Variants in ZCCHC17 observed in about 807,000 individuals in gnomAD.
The protein encoded by ZCCHC17 is zinc finger CCHC-type containing 17.
ZCCHC17 carries 18 observed loss-of-function variants against 30.6 expected under a neutral mutation model. The ratio of observed to expected loss-of-function variants is 0.59; its 90% CI spans 0.41 to 0.87. The LOEUF (loss-of-function observed/expected upper bound fraction) is 0.87. Among genes scored for constraint, ZCCHC17 ranks in the 40% least tolerant of loss-of-function variants. The pLI is 0.00. For missense variants in ZCCHC17, 263 were observed against 284.2 expected (o/e 0.93, Z 0.54); for synonymous variants, 88 against 92.4 (o/e 0.95, Z 0.27).
At chr1:31,340,742 T>TTAAC (rs1639020797) in intron 5 of ZCCHC17, among the ~76,000 whole-genome samples, 1 of 152,248 alleles carries the variant, frequency 6.6e-6, no homozygotes, top group Admixed American at 6.5e-5. Context: ...GTTTGTCTTA[T>TTAAC]GTTAATTAGG....
chr1:31,351,198 G>A (rs1360506289), intron 7 of ZCCHC17, among the ~76,000 whole-genome samples: 1 of 152,108 alleles, frequency 6.6e-6, no homozygotes, highest in Non-Finnish European at 1.5e-5. Context: ...AGAAACCAAT[G>A]TCATTTATTT....
chr1:31,318,979 C>A lies in ZCCHC17; in HGVS notation c.67-130C>A. ...CCAGAAAGAATGTTTGACAGAGCAT[C>A]ATTTTTAGGCAGTTTTATAGCATAC... On this transcript the variant is annotated intron_variant, in intron 2 of 7. Transcript: ENST00000344147. The A allele has an allele frequency of 6.7e-6, 7 of 1,049,028 alleles. No individual in the cohort carries two copies. In the East Asian group the frequency reaches 1.7e-4, roughly 26 times the overall value. 65.0% of individuals were successfully genotyped at this position (1,049,028 alleles called of 1,614,324 possible). A position where few individuals can be genotyped will look rare whatever the true frequency, so the allele number is the denominator to read the frequency against.
chr1:31,334,337 CTGTG>C (rs59851204), intron 3 of ZCCHC17, among the ~76,000 whole-genome samples: 6,390 of 84,810 alleles, frequency 0.075, 322 homozygotes, highest in Non-Finnish European at 0.081. Context: ...CTCTCTCTCT[CTGTG>C]TGTGTGTGTG....
intron 1 of ZCCHC17, among the ~76,000 whole-genome samples, chr1:31,307,154 GTAGAGA>G (rs1206962231): frequency 1.4e-5 from 2 of 147,724 alleles, no homozygotes; most frequent in African/African-American, 5.0e-5. Context: ...TTTTTTTTAA[GTAGAGA>G]TAGAGTCTCA....
At chr1:31,297,596 T>C (rs1646197241) in intron 1 of ZCCHC17, among the ~76,000 whole-genome samples, 1 of 152,196 alleles carries the variant, frequency 6.6e-6, no homozygotes, top group Non-Finnish European at 1.5e-5. Context: ...GTTGGGGGTA[T>C]GTTGTGAACC....
intron 1 of ZCCHC17, among the ~76,000 whole-genome samples, chr1:31,301,458 G>T (rs549931039): frequency 6.6e-6 from 1 of 152,324 alleles, no homozygotes; most frequent in Admixed American, 6.5e-5. Context: ...GTCAAGAAGA[G>T]AATTATTGAA....
chr1:31,332,889 T>C (rs375414426), intron 3 of ZCCHC17, among the ~76,000 whole-genome samples: 2 of 152,190 alleles, frequency 1.3e-5, no homozygotes, highest in Non-Finnish European at 2.9e-5. Flanking sequence ...CCGAAGGTGC[T>C]GGGATCACAA....
At chr1:31,354,762 T>G (rs780304077) in intron 7 of ZCCHC17, among the ~76,000 whole-genome samples, 1 of 152,248 alleles carries the variant, frequency 6.6e-6, no homozygotes, top group Non-Finnish European at 1.5e-5. Flanking sequence ...CTGCTAGGTA[T>G]GAGGCTCTTT....
At chr1:31,311,951 C>T (rs1646615231) in intron 2 of ZCCHC17, among the ~76,000 whole-genome samples, 1 of 152,152 alleles carries the variant, frequency 6.6e-6, no homozygotes. Context: ...GCTGCCTGGC[C>T]CCTCCATTCC....
At chr1:31,312,892 C>T (rs1444728954) in intron 2 of ZCCHC17, among the ~76,000 whole-genome samples, 1 of 151,958 alleles carries the variant, frequency 6.6e-6, no homozygotes, top group Non-Finnish European at 1.5e-5. Flanking sequence ...CCTGCCTCAG[C>T]CTCCTAAGTA....
intron 5 of ZCCHC17, among the ~76,000 whole-genome samples, chr1:31,340,475 G>A (rs1326350679): frequency 3.3e-5 from 5 of 152,018 alleles, no homozygotes; most frequent in African/African-American, 9.7e-5. Flanking sequence ...GTGCCACCAT[G>A]CCCGGCTAAT....
intron 5 of ZCCHC17, among the ~76,000 whole-genome samples, chr1:31,344,104 CTCGGCCTCCCAAAGTGCTAGGATTA>C (rs1639154481): frequency 6.6e-6 from 1 of 151,916 alleles, no homozygotes; most frequent in Non-Finnish European, 1.5e-5. Context: ...ATCTTCCTGT[CTCGGCCTCCCAAAGTGCTAGGATTA>C]CAGATGTGAG....
At chr1:31,324,740 G>C (rs1378514242) in intron 3 of ZCCHC17, among the ~76,000 whole-genome samples, 1 of 152,210 alleles carries the variant, frequency 6.6e-6, no homozygotes, top group Non-Finnish European at 1.5e-5. Context: ...AGGCCAAAGG[G>C]GTGCTGAGGG....
At chr1:31,355,939 A>G (rs1411151004) in intron 7 of ZCCHC17, among the ~76,000 whole-genome samples, 2 of 152,154 alleles carry the variant, frequency 1.3e-5, no homozygotes, top group South Asian at 2.1e-4. Flanking sequence ...TGAGTGGCAG[A>G]TTTGGACACT....
At chr1:31,302,905 T>A (rs1646353979) in intron 1 of ZCCHC17, among the ~76,000 whole-genome samples, 1 of 152,164 alleles carries the variant, frequency 6.6e-6, no homozygotes, top group South Asian at 2.1e-4. Context: ...GGGATTACAG[T>A]TCAAGATGAA....
At chr1:31,319,286 T>G in intron 3 of ZCCHC17, 120 bp downstream of exon 3, 1 of 856,848 alleles carries the variant, frequency 1.2e-6, no homozygotes, top group Non-Finnish European at 1.8e-6. Context: ...TTGTTTTCTT[T>G]TTAATGTATA....
At chr1:31,309,682 A>G (rs1379069991) in intron 1 of ZCCHC17, among the ~76,000 whole-genome samples, 1 of 152,192 alleles carries the variant, frequency 6.6e-6, no homozygotes, top group African/African-American at 2.4e-5. Context: ...TAAGTGCTGC[A>G]TTAATGTTTT....
chr1:31,340,528 G>T (rs1055897258), intron 5 of ZCCHC17, among the ~76,000 whole-genome samples: 8 of 152,038 alleles, frequency 5.3e-5, no homozygotes. Context: ...TGTTGGTCGG[G>T]CTGGTCTTGA....
At chr1:31,304,199 G>A (rs139705177) in intron 1 of ZCCHC17, among the ~76,000 whole-genome samples, 2 of 152,192 alleles carry the variant, frequency 1.3e-5, no homozygotes, top group East Asian at 1.9e-4. Flanking sequence ...AATCCTTGTC[G>A]ACTTACTGGC....
Sources: gnomAD v4.1 joint callset for allele counts (sites outside exome capture counted in the v4.1 genomes callset) on GRCh38, gnomAD v4.1.1 for gene constraint, MANE v1.5 for transcripts, NCBI Gene and HGNC (gene_info 2026-07-23, HGNC 2026-07-21) for gene names.